MYL12B: variants seen among roughly 807,000 people sequenced by gnomAD.
The protein encoded by MYL12B is myosin light chain 12B.
Under a neutral mutation model 12.9 loss-of-function variants are expected in MYL12B, and 3 were observed. That is an observed-to-expected ratio of 0.23 (90% CI 0.11 to 0.60). The LOEUF (loss-of-function observed/expected upper bound fraction) is 0.60. MYL12B is among the 20% of genes least tolerant of loss of function. The pLI is 0.89. For missense variants in MYL12B, 120 were observed against 215.4 expected, an observed-to-expected ratio of 0.56 and a Z score of 2.77; for synonymous variants, 57 against 71.9, an observed-to-expected ratio of 0.79 and a Z score of 1.05.
chr18:3,272,665 A>G (rs937786738), intron 1 of MYL12B, among the ~76,000 whole-genome samples: 1 of 152,254 alleles, frequency 6.6e-6, no homozygotes, highest in Admixed American at 6.5e-5. Context: ...GTGTCTGGCA[A>G]ATTCTGTTCC....
intron 2 of MYL12B, among the ~76,000 whole-genome samples, chr18:3,273,590 T>C (rs986185021): frequency 1.3e-5 from 2 of 152,120 alleles, no homozygotes; most frequent in Non-Finnish European, 2.9e-5. Context: ...TAAACAGCCA[T>C]TTGTATGTTG....
At chr18:3,266,950 C>G (rs1364584618) in intron 1 of MYL12B, among the ~76,000 whole-genome samples, 1 of 152,142 alleles carries the variant, frequency 6.6e-6, no homozygotes, top group East Asian at 1.9e-4. Context: ...AATGATAGAA[C>G]TGGAATTGGA....
intron 1 of MYL12B, chr18:3,272,001 G>A (rs958982547): frequency 3.2e-6 from 3 of 935,648 alleles, no homozygotes; most frequent in Admixed American, 6.2e-5. Flanking sequence ...ATCAGACTGG[G>A]CAATATAGTG....
At chr18:3,269,969 G>A (rs563866041) in intron 1 of MYL12B, among the ~76,000 whole-genome samples, 2 of 152,346 alleles carry the variant, frequency 1.3e-5, no homozygotes, top group South Asian at 4.1e-4. Context: ...CTGTTATGGA[G>A]CACCAGGCTA....
intron 1 of MYL12B, among the ~76,000 whole-genome samples, chr18:3,266,217 G>A (rs1038175711): frequency 6.6e-6 from 1 of 152,178 alleles, no homozygotes; most frequent in Non-Finnish European, 1.5e-5. Flanking sequence ...AGGAAGATCA[G>A]CCTCCAAGAT....
chr18:3,274,297 A>G (rs968163368), intron 2 of MYL12B, among the ~76,000 whole-genome samples: 6 of 152,246 alleles, frequency 3.9e-5, no homozygotes, highest in African/African-American at 1.4e-4. Flanking sequence ...ATAGATGCTC[A>G]ATAGATATTT....
intron 1 of MYL12B, among the ~76,000 whole-genome samples, chr18:3,269,727 C>A (rs1439542880): frequency 6.6e-6 from 1 of 152,108 alleles, no homozygotes; most frequent in African/African-American, 2.4e-5. Flanking sequence ...CTGAAAAGAA[C>A]TTTAAACCAT....
At chr18:3,276,668 G>A (rs535927742) in intron 2 of MYL12B, 5 of 620,336 alleles carry the variant, frequency 8.1e-6, no homozygotes, top group African/African-American at 4.0e-5. Context: ...ACCACAACTG[G>A]AAGTGTGAAT....
At chr18:3,269,908 C>T (rs1017386234) in intron 1 of MYL12B, among the ~76,000 whole-genome samples, 7 of 152,322 alleles carry the variant, frequency 4.6e-5, no homozygotes, top group South Asian at 2.1e-4. Flanking sequence ...CTGATTAGAG[C>T]GTAAGTTCTT....
intron 2 of MYL12B, among the ~76,000 whole-genome samples, chr18:3,273,424 G>A (rs1035084244): frequency 1.3e-5 from 2 of 152,162 alleles, no homozygotes; most frequent in East Asian, 3.8e-4. Context: ...TTGAGTACAG[G>A]TTATAAACAA....
chr18:3,271,051 A>C (rs534663989), intron 1 of MYL12B, among the ~76,000 whole-genome samples: 25 of 152,344 alleles, frequency 1.6e-4, no homozygotes, highest in African/African-American at 6.0e-4. Flanking sequence ...ACTTGCTGAT[A>C]CTGAGAGAGA....
chr18:3,266,243 G>A (rs1194209091), intron 1 of MYL12B, among the ~76,000 whole-genome samples: 1 of 152,168 alleles, frequency 6.6e-6, no homozygotes, highest in African/African-American at 2.4e-5. Flanking sequence ...ACGCATAGCC[G>A]ACAAGTTGGT....
intron 1 of MYL12B, among the ~76,000 whole-genome samples, chr18:3,270,336 A>T (rs2081667258): frequency 6.6e-6 from 1 of 152,228 alleles, no homozygotes. Context: ...AAAAAAATTT[A>T]AAATATAGTA....
chr18:3,268,970 G>A (rs149336560), intron 1 of MYL12B, among the ~76,000 whole-genome samples: 157 of 152,192 alleles, frequency 1.0e-3, no homozygotes, highest in Non-Finnish European at 2.1e-3. Flanking sequence ...TTCTCTCTCT[G>A]TTCCTAAGGC....
intron 1 of MYL12B, 95 bp from the exon 2 acceptor site, chr18:3,272,789 T>A: frequency 8.8e-7 from 1 of 1,140,340 alleles, no homozygotes; most frequent in Non-Finnish European, 1.2e-6. Flanking sequence ...CTTATTGATA[T>A]TTTTACCTAC....
Position 3,277,979 on chromosome 18 carries a change from T to G in MYL12B, c.*42T>G. 1 of 1,591,084 alleles carries G rather than the reference T, an allele frequency of 6.3e-7. No homozygotes were observed. Among genetic ancestry groups the G allele is most frequent in the Middle Eastern group, 1.7e-4 (1 of 5,870 alleles). On this transcript the variant is annotated 3_prime_UTR_variant, in exon 4 of 4. Transcript: ENST00000237500. ...ATCTTCCAGTTACATTGTCTTACTC[T>G]CTTTTACTTCTCAGACACTTCCCCC...
intron 1 of MYL12B, chr18:3,272,011 G>A: frequency 1.0e-6 from 1 of 967,408 alleles, no homozygotes; most frequent in Non-Finnish European, 1.2e-6. Context: ...GCAATATAGT[G>A]AGAAACCCCC....
intron 1 of MYL12B, among the ~76,000 whole-genome samples, chr18:3,266,942 T>C (rs1275402874): frequency 2.0e-5 from 3 of 152,190 alleles, no homozygotes; most frequent in Non-Finnish European, 4.4e-5. Flanking sequence ...AACTTGTGAA[T>C]GATAGAACTG....
intron 2 of MYL12B, among the ~76,000 whole-genome samples, chr18:3,273,693 G>A (rs1211370099): frequency 6.6e-6 from 1 of 152,138 alleles, no homozygotes; most frequent in Non-Finnish European, 1.5e-5. Flanking sequence ...TTAATTTACA[G>A]TTGGGAGTCA....
Sources: allele counts gnomAD v4.1 joint callset (sites outside exome capture counted in the v4.1 genomes callset), GRCh38; gene constraint gnomAD v4.1.1; transcripts MANE v1.5; gene names NCBI Gene and HGNC (gene_info 2026-07-23, HGNC 2026-07-21).